VAT1L: variants seen among roughly 807,000 people sequenced by gnomAD.
VAT1L encodes the protein putative NADPH-dependent quinone oxidoreductase VAT1L.
VAT1L carries 34 observed loss-of-function variants against 44.1 expected under a neutral mutation model. The observed-to-expected ratio is 0.77, with a 90% confidence interval of 0.59 to 1.03. The LOEUF (loss-of-function observed/expected upper bound fraction) is 1.03, where lower values mean the gene tolerates loss of function less well. Among genes scored for constraint, VAT1L ranks in the 50% least tolerant of loss-of-function variants. VAT1L has a pLI of 0.00. For missense variants in VAT1L, 615 were observed against 538.8 expected, an observed-to-expected ratio of 1.14 and a Z score of -1.40; for synonymous variants, 253 against 202.2, an observed-to-expected ratio of 1.25 and a Z score of -2.13.
intron 1 of VAT1L, among the ~76,000 whole-genome samples, chr16:77,791,805 C>A (rs932374243): frequency 3.3e-5 from 5 of 152,164 alleles, no homozygotes; most frequent in African/African-American, 1.2e-4. Context: ...TGGTCAAATG[C>A]AGCTCAAAAA....
At chr16:77,845,783 T>A (rs1307427203) in intron 3 of VAT1L, among the ~76,000 whole-genome samples, 1 of 152,150 alleles carries the variant, frequency 6.6e-6, no homozygotes, top group African/African-American at 2.4e-5. Context: ...CATTTAAATG[T>A]CACTTCCTTT....
rs1420909765 is a variant in VAT1L, at chr16:77,849,768, G to T, written c.580-12980G>T. Among the ~76,000 whole-genome samples, 13 of 152,296 alleles carry T rather than the reference G, an allele frequency of 8.5e-5. No individual in the cohort carries two copies. The South Asian group carries it at 1.9e-3, about 22-fold the overall frequency. On this transcript the variant is annotated intron_variant, in intron 3 of 8. Transcript: ENST00000302536. Reference sequence around the variant, plus strand: ...TCCCTACAAGACTGACAGTTAAAACGTACTCTGATCCAGAAGCCTCCGATG... The same window carrying T: ...TCCCTACAAGACTGACAGTTAAAACTTACTCTGATCCAGAAGCCTCCGATG...
At chr16:77,872,581 A>C (rs2017043924) in intron 4 of VAT1L, among the ~76,000 whole-genome samples, 1 of 152,018 alleles carries the variant, frequency 6.6e-6, no homozygotes, top group South Asian at 2.1e-4. Flanking sequence ...CCTCAAAGCA[A>C]GCGGCCCTTT....
At position 77,869,370 on chromosome 16, in the gene VAT1L, T is replaced by C. The variant is rs549440553; in HGVS notation, c.722+6480T>C. Among the ~76,000 whole-genome samples, 5 of 152,312 alleles carry C rather than the reference T, an allele frequency of 3.3e-5. No individual in the cohort carries two copies. In the East Asian group the frequency reaches 5.8e-4, roughly 18 times the overall value. On this transcript the variant is annotated intron_variant, in intron 4 of 8. Transcript: ENST00000302536. ...CAGGGAAAGTGGGACTGGAGCTCCA[T>C]TGAGTACAAAGCCACTCCCTTAGGC... is the stretch of plus-strand genomic sequence containing the variant.
rs977260399 is a variant in VAT1L at position 77,879,793 on chromosome 16, T to G, written c.882+569T>G. On this transcript the variant is annotated intron_variant, in intron 6 of 8. Transcript: ENST00000302536. The surrounding 1 kb of genome is among the most constrained non-coding windows in gnomAD (Gnocchi z 4.1). ...TATTTCAGTCAAAATTGCTTAAGTG[T>G]TGGTGTCTTTAATTATTGGTCAAAA... 6.6e-6 allele frequency among the ~76,000 whole-genome samples: 1 copy of G among 152,182 alleles called. No homozygotes were observed. The highest frequency in any genetic ancestry group is 1.5e-5 in the Non-Finnish European group (1 of 68,026).
chr16:77,912,545 A>C (rs1300792575), intron 7 of VAT1L, among the ~76,000 whole-genome samples: 1 of 152,052 alleles, frequency 6.6e-6, no homozygotes, highest in Admixed American at 6.5e-5. Flanking sequence ...GGCCTCCCAA[A>C]ATCTACTTTA....
In VAT1L at chr16:77,794,269, T is replaced by C. The variant is rs117321666; in HGVS notation, c.233+5354T>C. On this transcript the variant is annotated intron_variant, in intron 1 of 8. Coordinates refer to ENST00000302536, the MANE Select transcript of VAT1L (RefSeq NM_020927.3). ...GAAATACAACTGCTAAGATTCAAAA[T>C]TGCACAGTACTATCCTGCCTCCCAC... 9.8e-5 allele frequency among the ~76,000 whole-genome samples: 15 copies of C among 152,304 alleles called. No homozygotes were observed. The East Asian group carries it at 2.7e-3, about 27-fold the overall frequency.
chr16:77,953,986 T>C (rs1378160867), intron 7 of VAT1L, among the ~76,000 whole-genome samples: 2 of 152,192 alleles, frequency 1.3e-5, no homozygotes, highest in African/African-American at 2.4e-5. Context: ...GGGTTGCTCT[T>C]GTAACCTGCT....
chr16:77,802,664 A>G (rs1467141667), intron 1 of VAT1L, among the ~76,000 whole-genome samples: 1 of 132,998 alleles, frequency 7.5e-6, no homozygotes, highest in Non-Finnish European at 1.6e-5. Context: ...ACACACACAC[A>G]CACACTAAAG....
chr16:77,828,750 C>G (rs78366791), intron 3 of VAT1L, among the ~76,000 whole-genome samples: 2,985 of 152,262 alleles, frequency 0.02, 94 homozygotes, highest in African/African-American at 0.066. Flanking sequence ...ACTGCTGGCT[C>G]TGATGGAGGA....
intron 3 of VAT1L, among the ~76,000 whole-genome samples, chr16:77,858,269 C>G (rs1260726940): frequency 6.6e-6 from 1 of 151,976 alleles, no homozygotes; most frequent in Admixed American, 6.6e-5. Context: ...ATGGAGATGA[C>G]TGAGTGGGAA....
intron 7 of VAT1L, among the ~76,000 whole-genome samples, chr16:77,908,257 C>A (rs1227009457): frequency 6.8e-6 from 1 of 146,584 alleles, no homozygotes; most frequent in Admixed American, 6.8e-5. Context: ...AAAAAAAGTT[C>A]AAGACCAGCC....
Position 77,879,147 on chromosome 16 carries a change from T to C in VAT1L, c.827-22T>C, listed in dbSNP as rs778965224. On this transcript the variant is annotated intron_variant, in intron 5 of 8. Coordinates refer to ENST00000302536, the MANE Select transcript of VAT1L (RefSeq NM_020927.3). This position sits in a 1 kb window ranked among gnomAD's most constrained non-coding sequence, Gnocchi z 4.1. ...TCCATTTTCATTAGCAATTGCTTAA[T>C]GTGGGAATCTTTCATTTTCAGGCTC... 7 of 1,613,650 alleles carry C rather than the reference T, an allele frequency of 4.3e-6. No individual in the cohort carries two copies. Among genetic ancestry groups the C allele is most frequent in the Admixed American group, 3.3e-5 (2 of 59,992 alleles).
intron 7 of VAT1L, among the ~76,000 whole-genome samples, chr16:77,897,546 C>T (rs142277280): frequency 0.031 from 4,762 of 152,308 alleles, 256 homozygotes; most frequent in African/African-American, 0.11. Context: ...TCTCGGCTCA[C>T]TGCAACCTCT....
At chr16:77,901,317 C>G (rs1252680523) in intron 7 of VAT1L, among the ~76,000 whole-genome samples, 1 of 151,936 alleles carries the variant, frequency 6.6e-6, no homozygotes, top group Non-Finnish European at 1.5e-5. Context: ...GCGCCCGCCA[C>G]CATGCCCGGC....
chr16:77,805,202 C>A (rs1291931879), intron 1 of VAT1L, among the ~76,000 whole-genome samples: 1 of 152,178 alleles, frequency 6.6e-6, no homozygotes, highest in African/African-American at 2.4e-5. Flanking sequence ...GAGCTGCCAT[C>A]TGAGATTTGC....
intron 7 of VAT1L, among the ~76,000 whole-genome samples, chr16:77,952,753 G>A (rs1054435386): frequency 2.0e-5 from 3 of 150,904 alleles, no homozygotes; most frequent in Non-Finnish European, 4.4e-5. Flanking sequence ...AGCTACTCAG[G>A]AGGCTGAGGC....
rs2018364966 is a variant in VAT1L, at chr16:77,978,475, C to T, written c.*780C>T. ...TTCAATTTTAAGAAAGCACCACATACAAGACACATTCAGAAGTCATTCCTG... is the reference window on the plus strand; with the variant it reads ...TTCAATTTTAAGAAAGCACCACATATAAGACACATTCAGAAGTCATTCCTG... On this transcript the variant is annotated 3_prime_UTR_variant, in exon 9 of 9. Transcript: ENST00000302536. 1 of 152,218 alleles carries T rather than the reference C, an allele frequency of 6.6e-6. No individual in the cohort carries two copies. The highest frequency in any genetic ancestry group is 1.5e-5 in the Non-Finnish European group (1 of 68,042). 9.4% of individuals were successfully genotyped at this position (152,218 alleles called of 1,614,324 possible).
intron 7 of VAT1L, among the ~76,000 whole-genome samples, chr16:77,938,530 C>G (rs62042228): frequency 6.6e-6 from 1 of 152,126 alleles, no homozygotes; most frequent in African/African-American, 2.4e-5. Flanking sequence ...TACTGTACAG[C>G]GAGTTCTCAT....
Sources: gnomAD v4.1 joint callset for allele counts (sites outside exome capture counted in the v4.1 genomes callset) on GRCh38, gnomAD v4.1.1 for gene constraint, Gnocchi (gnomAD v3.1) non-coding constraint, MANE v1.5 for transcripts, NCBI Gene and HGNC (gene_info 2026-07-23, HGNC 2026-07-21) for gene names.